SENP7: variants seen among roughly 807,000 people sequenced by gnomAD.
SENP7 encodes SUMO specific peptidase 7, also known as sentrin-specific protease 7.
Under a neutral mutation model 141.2 loss-of-function variants are expected in SENP7, and 64 were observed. The observed-to-expected ratio is 0.45, with a 90% CI of 0.37 to 0.56. The LOEUF (loss-of-function observed/expected upper bound fraction) is 0.56. SENP7 is among the 20% of genes least tolerant of loss of function. The pLI is 0.00. For missense variants in SENP7, 1,025 were observed against 1,212.2 expected (o/e 0.85, Z 2.29); for synonymous variants, 382 against 426.4 (o/e 0.90, Z 1.28).
At chr3:101,405,872 CA>C (rs2061286268) in intron 5 of SENP7, among the ~76,000 whole-genome samples, 1 of 152,086 alleles carries the variant, frequency 6.6e-6, no homozygotes, top group Admixed American at 6.6e-5. Flanking sequence ...CCCAATCCAA[CA>C]AAGACAAAGA....
At chr3:101,359,560 AT>A (rs942219409) in intron 11 of SENP7, among the ~76,000 whole-genome samples, 6 of 151,940 alleles carry the variant, frequency 3.9e-5, no homozygotes, top group African/African-American at 1.4e-4. Context: ...CTTACTGAAT[AT>A]TTGCAGTTCC....
chr3:101,487,866 T>G (rs1334548069), intron 3 of SENP7, among the ~76,000 whole-genome samples: 2 of 152,212 alleles, frequency 1.3e-5, no homozygotes, highest in Admixed American at 6.5e-5. Flanking sequence ...ACTGTGGGCT[T>G]ATAATATAAT....
chr3:101,454,498 G>A (rs1042675469), intron 4 of SENP7, among the ~76,000 whole-genome samples: 3 of 151,914 alleles, frequency 2.0e-5, no homozygotes, highest in African/African-American at 4.8e-5. Flanking sequence ...GCAACAAAGT[G>A]AGACTCCATC....
chr3:101,347,033 GAAGGAAGAAAA>G (rs887143292), intron 13 of SENP7, among the ~76,000 whole-genome samples: 2 of 151,776 alleles, frequency 1.3e-5, no homozygotes, highest in African/African-American at 4.8e-5. Context: ...GAAAATGGAA[GAAGGAAGAAAA>G]AAGGAAGAAA....
Position 101,348,150 on chromosome 3 carries a change from A to C in SENP7, c.1658-99T>G, listed in dbSNP as rs555327555. ...CTTGTTAATACACTACTTTTTTTAA[A>C]AAAAAGAGAATTATATAGTTTTTTC... On this transcript the variant is annotated intron_variant, in intron 12 of 23. Coordinates refer to ENST00000394095, the MANE Select transcript of SENP7 (RefSeq NM_020654.5). 9.6e-5 allele frequency: 71 copies of C among 741,354 alleles called. No homozygotes were observed. In the African/African-American group the frequency reaches 1.2e-3, roughly 12 times the overall value. 45.9% of individuals were successfully genotyped at this position (741,354 alleles called of 1,614,324 possible).
chr3:101,452,095 G>A (rs1316323624), intron 4 of SENP7, among the ~76,000 whole-genome samples: 1 of 152,096 alleles, frequency 6.6e-6, no homozygotes, highest in East Asian at 1.9e-4. Context: ...GCCAAATCAT[G>A]AGTGAACTCC....
At chr3:101,473,215 A>G (rs1022433327) in intron 3 of SENP7, among the ~76,000 whole-genome samples, 10 of 152,238 alleles carry the variant, frequency 6.6e-5, no homozygotes, top group Non-Finnish European at 1.2e-4. Context: ...GTGTCTTTAT[A>G]ATAGAACAAT....
chr3:101,357,524 G>C lies in SENP7; in HGVS notation c.1623+4191C>G, dbSNP rs533322807. On this transcript the variant is annotated intron_variant, in intron 11 of 23. Transcript: ENST00000394095. ...TCTTTGGCCAGAGCAGAGCATAAAA[G>C]ATTCTTTCCAAAAAGTGATACTGAG... The C allele has an allele frequency of 1.9e-5, 27 of 1,420,242 alleles. No homozygotes were observed. The South Asian group carries it at 2.7e-4, about 14-fold the overall frequency. The allele number at this position is 1,420,242 out of a possible 1,614,324, so 88.0% of individuals were successfully genotyped here.
At chr3:101,463,364 A>AATAT (rs71625265) in intron 3 of SENP7, among the ~76,000 whole-genome samples, 3,465 of 88,104 alleles carry the variant, frequency 0.039, 133 homozygotes, top group Non-Finnish European at 0.053. Context: ...TAAATAAATA[A>AATAT]ATATATATAT....
intron 4 of SENP7, among the ~76,000 whole-genome samples, chr3:101,431,215 G>C (rs370073112): frequency 1.2e-4 from 18 of 152,166 alleles, no homozygotes; most frequent in East Asian, 5.8e-4. Context: ...CCAGAGCTGA[G>C]TTCAAGTCCT....
chr3:101,484,780 T>C lies in SENP7; in HGVS notation c.186+9093A>G, dbSNP rs185210519. 7.2e-5 allele frequency among the ~76,000 whole-genome samples: 11 copies of C among 152,182 alleles called. No individual in the cohort carries two copies. In the East Asian group the frequency reaches 1.5e-3, roughly 21 times the overall value. On this transcript the variant is annotated intron_variant, in intron 3 of 23. Coordinates refer to ENST00000394095, the MANE Select transcript of SENP7 (RefSeq NM_020654.5). ...TCCTGCCTGGCACCACAGGAATCCATTGGGTGGATGACCAGAGGAGCAGGG... is the reference window on the plus strand; with the variant it reads ...TCCTGCCTGGCACCACAGGAATCCACTGGGTGGATGACCAGAGGAGCAGGG...
intron 3 of SENP7, among the ~76,000 whole-genome samples, chr3:101,466,013 T>C (rs1437005537): frequency 6.6e-6 from 1 of 151,802 alleles, no homozygotes; most frequent in Non-Finnish European, 1.5e-5. Flanking sequence ...GCCTCAACAA[T>C]AGACAAAATT....
chr3:101,416,742 A>C (rs1383213304), intron 5 of SENP7, among the ~76,000 whole-genome samples: 3 of 152,200 alleles, frequency 2.0e-5, no homozygotes, highest in Non-Finnish European at 4.4e-5. Context: ...TGTTTTGACA[A>C]GAATTCTACT....
chr3:101,499,677 A>G (rs962861079), intron 2 of SENP7, among the ~76,000 whole-genome samples: 4 of 152,036 alleles, frequency 2.6e-5, no homozygotes, highest in Non-Finnish European at 5.9e-5. Flanking sequence ...CTGGGACTAC[A>G]GGCACCTGCC....
At chr3:101,327,544 T>C (rs2058935886) in intron 23 of SENP7, 122 bp downstream of exon 23, 1 of 669,452 alleles carries the variant, frequency 1.5e-6, no homozygotes, top group Admixed American at 3.8e-5. Context: ...CTCTTTCCTT[T>C]ATAAATTACC....
chr3:101,384,120 G>A (rs897370210), intron 6 of SENP7, among the ~76,000 whole-genome samples: 20 of 152,172 alleles, frequency 1.3e-4, no homozygotes, highest in Non-Finnish European at 2.1e-4. Context: ...CTGTATACTC[G>A]ACAGGATCAC....
At chr3:101,467,401 T>C (rs1336837600) in intron 3 of SENP7, among the ~76,000 whole-genome samples, 1 of 152,218 alleles carries the variant, frequency 6.6e-6, no homozygotes, top group African/African-American at 2.4e-5. Flanking sequence ...ATGACCCCAG[T>C]GTAGCCTAAC....
In SENP7 at chr3:101,398,820, A is replaced by G. The variant is rs1303599883; in HGVS notation, c.677+41T>C. On this transcript the variant is annotated intron_variant, in intron 6 of 23. Coordinates refer to ENST00000394095, the MANE Select transcript of SENP7 (RefSeq NM_020654.5). ...AAAGAACAGGGAAGGATACATAAAA[A>G]TAAATATAATTATTTTGAGTAAAGT... 3 of 1,364,238 alleles carry G rather than the reference A, an allele frequency of 2.2e-6. No individual in the cohort carries two copies. The Admixed American group carries it at 6.6e-5, about 30-fold the overall frequency. 84.5% of individuals were successfully genotyped at this position (1,364,238 alleles called of 1,614,324 possible). A position where few individuals can be genotyped will look rare whatever the true frequency, so the allele number is the denominator to read the frequency against.
chr3:101,362,640 A>G (rs1261210186), intron 10 of SENP7, among the ~76,000 whole-genome samples: 1 of 152,082 alleles, frequency 6.6e-6, no homozygotes, highest in Non-Finnish European at 1.5e-5. Context: ...GGAGTTTCCA[A>G]TGTCTATTGT....
Sources: gnomAD v4.1 joint callset for allele counts (sites outside exome capture counted in the v4.1 genomes callset) on GRCh38, gnomAD v4.1.1 for gene constraint, MANE v1.5 for transcripts, NCBI Gene and HGNC (gene_info 2026-07-23, HGNC 2026-07-21) for gene names.